CLDN16: variants seen among roughly 807,000 people sequenced by gnomAD.
The protein encoded by CLDN16 is claudin-16.
CLDN16 carries 13 observed loss-of-function variants against 24.6 expected under a neutral mutation model. The ratio of observed to expected loss-of-function variants is 0.53; its 90% CI spans 0.34 to 0.84. CLDN16 has a LOEUF of 0.84. CLDN16 is among the 40% of genes least tolerant of loss of function. The pLI, the probability that CLDN16 is intolerant of heterozygous loss-of-function variation, is 0.01. For missense variants in CLDN16, 298 were observed against 292.7 expected, an observed-to-expected ratio of 1.02 and a Z score of -0.13; for synonymous variants, 116 against 106.7, an observed-to-expected ratio of 1.09 and a Z score of -0.54.
the CLDN16 span, among the ~76,000 whole-genome samples, chr3:190,315,282 C>T: frequency 3.9e-5 from 6 of 152,126 alleles, no homozygotes; most frequent in Non-Finnish European, 5.9e-5. Context: ...CTCAGTTTGC[C>T]TGGAACAGTC....
At chr3:190,309,896 A>T in the CLDN16 span, among the ~76,000 whole-genome samples, 2 of 152,234 alleles carry the variant, frequency 1.3e-5, no homozygotes, top group Non-Finnish European at 2.9e-5. Context: ...TTAATATTTG[A>T]AAAAACAAAC....
upstream of CLDN16, chr3:190,321,922 T>G: frequency 7.9e-7 from 1 of 1,264,660 alleles, no homozygotes; most frequent in Non-Finnish European, 1.2e-6. Context: ...AATGAGCCCA[T>G]AAGGGAGCTG....
chr3:190,312,824 T>C, the CLDN16 span: 1 of 1,600,660 alleles, frequency 6.2e-7, no homozygotes, highest in Non-Finnish European at 8.6e-7. Flanking sequence ...TTTCAAATCA[T>C]ACCAGGAACA....
At chr3:190,317,270 A>T in the CLDN16 span, among the ~76,000 whole-genome samples, 1 of 152,182 alleles carries the variant, frequency 6.6e-6, no homozygotes, top group Non-Finnish European at 1.5e-5. Flanking sequence ...AGCAAACATT[A>T]AAAAAATTAC....
the CLDN16 span, among the ~76,000 whole-genome samples, chr3:190,311,947 T>TTCTTTTC: frequency 1.9e-5 from 2 of 103,660 alleles, no homozygotes; most frequent in Non-Finnish European, 3.7e-5. Flanking sequence ...GATATTTCTT[T>TTCTTTTC]TCTTTTCTTT....
intron 1 of CLDN16, among the ~76,000 whole-genome samples, chr3:190,344,701 T>TAA (rs5855325): frequency 1.4e-5 from 2 of 145,428 alleles, no homozygotes; most frequent in Non-Finnish European, 3.0e-5. Flanking sequence ...GCTGTGGAAA[T>TAA]AAAAAAAAAA....
At chr3:190,293,794 C>G in the CLDN16 span, among the ~76,000 whole-genome samples, 1 of 152,074 alleles carries the variant, frequency 6.6e-6, no homozygotes, top group Non-Finnish European at 1.5e-5. Flanking sequence ...ACAGTTAAAC[C>G]GAGAAGATTA....
chr3:190,402,463 G>T lies in CLDN16; in HGVS notation c.217+24G>T, dbSNP rs77798557. 3,060 of 1,553,506 alleles carry T rather than the reference G, an allele frequency of 2.0e-3. 44 individuals are homozygous for T. The African/African-American group carries it at 0.035, about 18-fold the overall frequency. On this transcript the variant is annotated intron_variant, in intron 2 of 4. Coordinates refer to ENST00000264734, the MANE Select transcript of CLDN16 (RefSeq NM_006580.4). ...CTGTACGTATGCCTTAGAGCTCACT[G>T]CTTGCCAGGAAGGGAAAGGGACAGA... is the stretch of plus-strand genomic sequence containing the variant.
intron 1 of CLDN16, among the ~76,000 whole-genome samples, chr3:190,400,976 C>T (rs950657630): frequency 6.6e-6 from 1 of 152,274 alleles, no homozygotes; most frequent in African/African-American, 2.4e-5. Context: ...CCAATTTCCT[C>T]ATTTGTAAAA....
chr3:190,383,651 G>T (rs1718418315), upstream of CLDN16, among the ~76,000 whole-genome samples: 2 of 152,028 alleles, frequency 1.3e-5, no homozygotes. Flanking sequence ...TTTATTCAAG[G>T]GTCAGGGGAA....
chr3:190,363,642 AG>A (rs1168010414), intron 1 of CLDN16, among the ~76,000 whole-genome samples: 1 of 139,032 alleles, frequency 7.2e-6, no homozygotes, highest in Non-Finnish European at 1.5e-5. Context: ...TAGATCAATT[AG>A]TTACTTGCAA....
chr3:190,395,853 T>A (rs1385956947), intron 1 of CLDN16, among the ~76,000 whole-genome samples: 1 of 152,130 alleles, frequency 6.6e-6, no homozygotes, highest in African/African-American at 2.4e-5. Context: ...CAAAATCTGC[T>A]GTGTATATTT....
At chr3:190,409,778 C>T (rs1329124387) in intron 4 of CLDN16, 125 bp from the exon 5 acceptor site, 1 of 900,434 alleles carries the variant, frequency 1.1e-6, no homozygotes, top group Non-Finnish European at 1.7e-6. Flanking sequence ...TCTTAGAGTT[C>T]CAAAATGATA....
chr3:190,375,076 T>C (rs767436050), intron 3 of CLDN16, among the ~76,000 whole-genome samples: 22 of 152,114 alleles, frequency 1.4e-4, no homozygotes, highest in Middle Eastern at 3.4e-3. Context: ...AATTATCTTT[T>C]TATTTGTCTA....
At chr3:190,409,194 G>A (rs573067021) in intron 4 of CLDN16, among the ~76,000 whole-genome samples, 3 of 150,566 alleles carry the variant, frequency 2.0e-5, no homozygotes, top group East Asian at 2.0e-4. Flanking sequence ...ATACACACAC[G>A]TATATGCATG....
chr3:190,305,223 C>A, the CLDN16 span, among the ~76,000 whole-genome samples: 3 of 152,180 alleles, frequency 2.0e-5, no homozygotes, highest in Non-Finnish European at 2.9e-5. Flanking sequence ...TGTCCAGGAA[C>A]AGGCCACACT....
intron 1 of CLDN16, among the ~76,000 whole-genome samples, chr3:190,332,747 T>C (rs1717209768): frequency 6.6e-6 from 1 of 151,254 alleles, no homozygotes; most frequent in African/African-American, 2.4e-5. Flanking sequence ...TAAAGAAAGA[T>C]TATTTAATCA....
chr3:190,316,497 CCAGT>C, the CLDN16 span, among the ~76,000 whole-genome samples: 3 of 152,144 alleles, frequency 2.0e-5, no homozygotes, highest in Non-Finnish European at 4.4e-5. Flanking sequence ...TGATAGGTTA[CCAGT>C]CAAAGTAAGC....
intron 1 of CLDN16, among the ~76,000 whole-genome samples, chr3:190,394,994 CAG>C (rs1404447839): frequency 2.0e-5 from 3 of 151,768 alleles, no homozygotes; most frequent in Admixed American, 6.6e-5. Context: ...ATAAAGAAAA[CAG>C]AGAGAAAAAA....
Sources: gnomAD v4.1 joint callset for allele counts (sites outside exome capture counted in the v4.1 genomes callset) on GRCh38, gnomAD v4.1.1 for gene constraint, MANE v1.5 for transcripts, NCBI Gene and HGNC (gene_info 2026-07-23, HGNC 2026-07-21) for gene names.